SOX5: variants seen among roughly 807,000 people sequenced by gnomAD.
The protein encoded by SOX5 is transcription factor SOX-5.
SOX5 carries 9 observed loss-of-function variants against 92.0 expected under a neutral mutation model. The ratio of observed to expected loss-of-function variants is 0.10; its 90% CI spans 0.06 to 0.17. The LOEUF is 0.17. Ranked by LOEUF, SOX5 falls within the 10% of genes least tolerant of loss-of-function variation. The pLI is 1.00. For synonymous variants in SOX5, 344 were observed against 336.3 expected, an observed-to-expected ratio of 1.02 and a Z score of -0.25; for missense variants, 642 against 944.5, an observed-to-expected ratio of 0.68 and a Z score of 4.20.
intron 6 of SOX5, among the ~76,000 whole-genome samples, chr12:23,698,506 G>A (rs2090189075): frequency 6.6e-6 from 1 of 152,092 alleles, no homozygotes; most frequent in African/African-American, 2.4e-5. Context: ...TTTTACCTCT[G>A]AAAGCTCAAT....
At chr12:24,283,752 A>G (rs963333518) in intron 2 of SOX5, among the ~76,000 whole-genome samples, 8 of 152,210 alleles carry the variant, frequency 5.3e-5, no homozygotes, top group Admixed American at 1.3e-4. Context: ...CTGTGTATAT[A>G]AAAGCTTGGG....
At chr12:23,598,353 A>T (rs544974443) in intron 9 of SOX5, among the ~76,000 whole-genome samples, 2 of 147,858 alleles carry the variant, frequency 1.4e-5, no homozygotes, top group East Asian at 2.0e-4. Context: ...TCCATTTCAA[A>T]CTCATGAAGT....
chr12:24,346,719 C>T (rs780072541), intron 2 of SOX5, among the ~76,000 whole-genome samples: 2 of 151,944 alleles, frequency 1.3e-5, no homozygotes, highest in African/African-American at 2.4e-5. Context: ...CCAAAGTGCT[C>T]GGATTACAGG....
chr12:23,816,986 T>A lies in SOX5; in HGVS notation c.481+28997A>T, dbSNP rs537044618. 6.6e-5 allele frequency among the ~76,000 whole-genome samples: 10 copies of A among 152,316 alleles called. No homozygotes were observed. The South Asian group carries it at 2.1e-3, about 32-fold the overall frequency. On this transcript the variant is annotated intron_variant, in intron 3 of 14. Transcript: ENST00000451604. ...TGCAGAAATATTTAAAAATATAGAT[T>A]ACATTTTAAGAGCCAGCATGACATC...
At chr12:24,498,467 T>C (rs1947866828) in intron 1 of SOX5, among the ~76,000 whole-genome samples, 5 of 152,186 alleles carry the variant, frequency 3.3e-5, no homozygotes, top group Non-Finnish European at 7.3e-5. Flanking sequence ...ATCATGAGCT[T>C]GGCCACCATT....
intron 11 of SOX5, among the ~76,000 whole-genome samples, chr12:23,557,482 T>C (rs1002454423): frequency 3.3e-5 from 5 of 152,244 alleles, no homozygotes; most frequent in Non-Finnish European, 7.3e-5. Flanking sequence ...CCTTAAGAGA[T>C]ATATGCACAC....
intron 4 of SOX5, among the ~76,000 whole-genome samples, chr12:24,036,161 A>T (rs1413163146): frequency 1.3e-5 from 2 of 152,026 alleles, no homozygotes; most frequent in South Asian, 4.1e-4. Context: ...AGCAACACAA[A>T]TACTGTAATA....
intron 2 of SOX5, among the ~76,000 whole-genome samples, chr12:24,344,144 G>A (rs78235937): frequency 2.0e-5 from 3 of 151,824 alleles, no homozygotes; most frequent in African/African-American, 7.3e-5. Context: ...TTAGTTGGGC[G>A]TGGTGGGACA....
intron 4 of SOX5, among the ~76,000 whole-genome samples, chr12:24,003,419 C>G (rs1368787812): frequency 6.6e-6 from 1 of 151,708 alleles, no homozygotes; most frequent in African/African-American, 2.4e-5. Context: ...TCTGCAGAAA[C>G]CCACAAAAAC....
intron 3 of SOX5, among the ~76,000 whole-genome samples, chr12:24,272,189 T>C (rs1943845188): frequency 6.6e-6 from 1 of 152,020 alleles, no homozygotes; most frequent in Non-Finnish European, 1.5e-5. Flanking sequence ...ATTTTCCCCA[T>C]AGAAATATTG....
At chr12:24,238,305 C>A (rs543987391) in intron 3 of SOX5, among the ~76,000 whole-genome samples, 12 of 152,256 alleles carry the variant, frequency 7.9e-5, no homozygotes, top group Admixed American at 5.9e-4. Context: ...GGAGGCAGAA[C>A]TAAGACTCAT....
At chr12:23,537,545 A>G (rs1186964411) in intron 13 of SOX5, among the ~76,000 whole-genome samples, 2 of 152,236 alleles carry the variant, frequency 1.3e-5, no homozygotes, top group Non-Finnish European at 1.5e-5. Flanking sequence ...CTCTTAATAA[A>G]TCAATTTCAA....
intron 4 of SOX5, among the ~76,000 whole-genome samples, chr12:23,981,051 C>T (rs1461508028): frequency 2.0e-5 from 3 of 152,134 alleles, no homozygotes; most frequent in Non-Finnish European, 4.4e-5. Context: ...TGAAGCTAGT[C>T]TGAAGCTACC....
chr12:24,148,988 A>G (rs1951392737), intron 4 of SOX5, among the ~76,000 whole-genome samples: 1 of 152,180 alleles, frequency 6.6e-6, no homozygotes, highest in Non-Finnish European at 1.5e-5. Context: ...GATAAAGTAT[A>G]GTGTTTTTAA....
chr12:24,519,624 C>A (rs939062690), intron 1 of SOX5, among the ~76,000 whole-genome samples: 4 of 152,134 alleles, frequency 2.6e-5, no homozygotes, highest in Non-Finnish European at 5.9e-5. Context: ...GTGGATGGAG[C>A]AGACTAAGCA....
At position 24,486,139 on chromosome 12, in the gene SOX5, G is replaced by A. The variant is rs12824861; in HGVS notation, c.-251+76190C>T. On this transcript the variant is annotated intron_variant, in intron 1 of 4. Transcript: ENST00000446891. ...TTTTGTAGAGACAGGGTCTTTCTGC[G>A]TTGCCCAGGCCAGTCTCGAACTCCT... Among the ~76,000 whole-genome samples, 19 of 152,034 alleles carry A rather than the reference G, an allele frequency of 1.2e-4. No homozygotes were observed. The South Asian group carries it at 1.7e-3, about 13-fold the overall frequency.
intron 2 of SOX5, among the ~76,000 whole-genome samples, chr12:24,304,054 AAT>A (rs1464222085): frequency 2.6e-5 from 4 of 152,220 alleles, no homozygotes; most frequent in African/African-American, 7.2e-5. Context: ...ACTACACAAA[AAT>A]ATATGTCAGA....
chr12:23,713,728 A>G (rs992673430), intron 6 of SOX5, among the ~76,000 whole-genome samples: 1 of 148,092 alleles, frequency 6.8e-6, no homozygotes, highest in Non-Finnish European at 1.5e-5. Flanking sequence ...TATCTTTTAT[A>G]TATATAATAT....
intron 8 of SOX5, among the ~76,000 whole-genome samples, chr12:23,610,137 C>T (rs1358887846): frequency 2.0e-5 from 3 of 152,144 alleles, no homozygotes; most frequent in Non-Finnish European, 4.4e-5. Context: ...ATCAATCATG[C>T]TTTTATGAAG....
Sources: allele counts gnomAD v4.1 joint callset (sites outside exome capture counted in the v4.1 genomes callset), GRCh38; gene constraint gnomAD v4.1.1; transcripts MANE v1.5; gene names NCBI Gene and HGNC (gene_info 2026-07-23, HGNC 2026-07-21).